The following RAD52 variants were observed in gnomAD, a reference collection of about 807,000 sequenced individuals.
The protein encoded by RAD52 is RAD52 DNA repair protein.
A neutral mutation model predicts 55.5 loss-of-function variants in RAD52; 47 were observed. The ratio of observed to expected loss-of-function variants is 0.85; its 90% confidence interval spans 0.67 to 1.08. RAD52 has a LOEUF of 1.08. RAD52 is among the 50% of genes least tolerant of loss of function. The probability of loss-of-function intolerance (pLI) is 0.00; values close to 1 mark genes in which losing one functional copy is unlikely to be tolerated. For synonymous variants in RAD52, 184 were observed against 198.9 expected (o/e 0.92, Z 0.63); for missense variants, 468 against 522.8 (o/e 0.90, Z 1.02).
Position 949,649 on chromosome 12 carries a change from T to G in RAD52, c.-66A>C, listed in dbSNP as rs917241318. ...CACACAGGGAGCTCGATCTAGGCTA[T>G]GGACAAGGGGAAGAGATCTTAGATG... On this transcript the variant is annotated 5_prime_UTR_variant, in exon 1 of 12. Transcript: ENST00000358495. 17 of 151,986 alleles carry G rather than the reference T, an allele frequency of 1.1e-4. No homozygotes were observed. The highest frequency in any genetic ancestry group is 4.1e-4 in the African/African-American group (17 of 41,372). The allele number at this position is 151,986 out of a possible 1,614,324, so 9.4% of individuals were successfully genotyped here.
chr12:989,360 A>T (rs974591744), intron 1 of RAD52, among the ~76,000 whole-genome samples: 2 of 152,174 alleles, frequency 1.3e-5, no homozygotes, highest in Non-Finnish European at 2.9e-5. Flanking sequence ...TCAAATAAAA[A>T]AAAATTATCT....
At chr12:970,492 C>G (rs930384002) in intron 1 of RAD52, among the ~76,000 whole-genome samples, 1 of 151,944 alleles carries the variant, frequency 6.6e-6, no homozygotes, top group Non-Finnish European at 1.5e-5. Flanking sequence ...TACTAATAAC[C>G]AAAAATAAGG....
chr12:950,598 C>G (rs993079176), upstream of RAD52, among the ~76,000 whole-genome samples: 7 of 147,912 alleles, frequency 4.7e-5, no homozygotes, highest in African/African-American at 1.7e-4. Context: ...GTTTTTGTAG[C>G]GACAGGGTCT....
chr12:976,334 A>G (rs1958935536), intron 1 of RAD52: 1 of 152,184 alleles, frequency 6.6e-6, no homozygotes, highest in Admixed American at 6.6e-5. Flanking sequence ...AAAAAGCCCC[A>G]AACTCTTTGA....
rs990128109 is a variant in RAD52, at chr12:913,327, G to T, written c.*64C>A. Reference sequence around the variant, plus strand: ...CTCCAGCAGCGATGAACAATTTCATGACCAAAAAGTAGTTTTCCAAAGTCC... The same window carrying T: ...CTCCAGCAGCGATGAACAATTTCATTACCAAAAAGTAGTTTTCCAAAGTCC... On this transcript the variant is annotated 3_prime_UTR_variant, in exon 12 of 12. Coordinates refer to ENST00000358495, the MANE Select transcript of RAD52 (RefSeq NM_134424.4). 1.9e-5 allele frequency: 23 copies of T among 1,228,614 alleles called. No homozygotes were observed. Among genetic ancestry groups the T allele is most frequent in the Non-Finnish European group, 2.6e-5 (22 of 850,388 alleles). The allele number at this position is 1,228,614 out of a possible 1,614,324, so 76.1% of individuals were successfully genotyped here.
chr12:948,358 T>C (rs944775796), intron 1 of RAD52, among the ~76,000 whole-genome samples: 1 of 152,224 alleles, frequency 6.6e-6, no homozygotes, highest in African/African-American at 2.4e-5. Flanking sequence ...TAGTGGTGAT[T>C]GCACAACCTT....
chr12:982,057 A>C (rs1305330195), intron 1 of RAD52, among the ~76,000 whole-genome samples: 2 of 152,190 alleles, frequency 1.3e-5, no homozygotes, highest in Admixed American at 6.5e-5. Flanking sequence ...CTGGGCCTGC[A>C]GTTCGAATGG....
chr12:957,380 T>C (rs2154120441), intron 1 of RAD52, among the ~76,000 whole-genome samples: 1 of 149,902 alleles, frequency 6.7e-6, no homozygotes, highest in Non-Finnish European at 1.5e-5. Flanking sequence ...GGAGAATCGC[T>C]TAAGCCCGGG....
intron 1 of RAD52, among the ~76,000 whole-genome samples, chr12:961,319 A>AAAAAAAAAAAAAAAG (rs1375732120): frequency 6.8e-6 from 1 of 147,540 alleles, no homozygotes; most frequent in Non-Finnish European, 1.5e-5. Context: ...CAAAAAAAAA[A>AAAAAAAAAAAAAAAG]AAAAAAAAAA....
At chr12:942,573 C>G (rs1170501770) in intron 1 of RAD52, among the ~76,000 whole-genome samples, 1 of 151,968 alleles carries the variant, frequency 6.6e-6, no homozygotes, top group Non-Finnish European at 1.5e-5. Flanking sequence ...CTGGTGAAAC[C>G]CTGTCTCTAA....
At chr12:927,690 AC>A (rs1294498324) in intron 5 of RAD52, among the ~76,000 whole-genome samples, 1 of 152,000 alleles carries the variant, frequency 6.6e-6, no homozygotes, top group African/African-American at 2.4e-5. Flanking sequence ...ACATGGTGAA[AC>A]CCTATCTCTA....
At chr12:923,048 G>A (rs966358212) in intron 7 of RAD52, among the ~76,000 whole-genome samples, 1 of 151,826 alleles carries the variant, frequency 6.6e-6, no homozygotes, top group Non-Finnish European at 1.5e-5. Flanking sequence ...AGTAGAGACA[G>A]GGTTTCACCA....
At chr12:978,890 G>GTAGGTAGA (rs1555183684) in intron 1 of RAD52, among the ~76,000 whole-genome samples, 26 of 149,522 alleles carry the variant, frequency 1.7e-4, no homozygotes, top group Middle Eastern at 3.4e-3. Flanking sequence ...TAGATGATAG[G>GTAGGTAGA]TAGATAGATA....
At chr12:920,192 G>C (rs1197417687) in intron 7 of RAD52, among the ~76,000 whole-genome samples, 1 of 109,864 alleles carries the variant, frequency 9.1e-6, no homozygotes, top group East Asian at 2.4e-4. Context: ...ACTCTAGCCT[G>C]GGCGGCAGAG....
intron 5 of RAD52, among the ~76,000 whole-genome samples, chr12:928,570 A>G (rs1314301309): frequency 2.0e-5 from 3 of 152,140 alleles, no homozygotes; most frequent in East Asian, 1.9e-4. Flanking sequence ...GGATATATAA[A>G]CTAACTGAAA....
chr12:984,199 A>C (rs1959056678), intron 1 of RAD52, among the ~76,000 whole-genome samples: 1 of 151,872 alleles, frequency 6.6e-6, no homozygotes, highest in Non-Finnish European at 1.5e-5. Flanking sequence ...TGTCTCTATG[A>C]ATTTTTTTCT....
chr12:918,954 C>T (rs1012210516), intron 7 of RAD52, among the ~76,000 whole-genome samples: 1 of 152,110 alleles, frequency 6.6e-6, no homozygotes, highest in Non-Finnish European at 1.5e-5. Context: ...CTGTACAATT[C>T]CACTTACAGT....
At position 916,762 on chromosome 12, in the gene RAD52, T is replaced by G; in HGVS notation, c.602A>C (p.Glu201Ala). The change falls in exon 8 of 12, where the codon GAG becomes GCG. Residue 201 changes from glutamate (E) to alanine (A), a missense_variant. By Grantham distance (107) the Glu-to-Ala change is moderately radical (BLOSUM62 -1). Coordinates refer to ENST00000358495, the MANE Select transcript of RAD52 (RefSeq NM_134424.4). ...AKRQDLEPSV[E>A]EARYNSCRPN... is the part of the protein sequence containing the mutation. Reference sequence around the variant, plus strand: ...TCGGCAGCTGTTGTATCTTGCCTCCTCCACAGACGGTTCAAGATCTTGTCT... The same window carrying G: ...TCGGCAGCTGTTGTATCTTGCCTCCGCCACAGACGGTTCAAGATCTTGTCT... 1 of 1,614,130 alleles carries G rather than the reference T, an allele frequency of 6.2e-7. No individual in the cohort carries two copies. The highest frequency in any genetic ancestry group is 2.2e-5 in the East Asian group (1 of 44,878).
chr12:919,298 T>C (rs1045050657), intron 7 of RAD52, among the ~76,000 whole-genome samples: 2 of 151,900 alleles, frequency 1.3e-5, no homozygotes, highest in African/African-American at 4.8e-5. Context: ...GTATAAAAAT[T>C]AGCCGGGCAT....
Sources: gnomAD v4.1 joint callset for allele counts (sites outside exome capture counted in the v4.1 genomes callset) on GRCh38, gnomAD v4.1.1 for gene constraint, MANE v1.5 for transcripts, NCBI Gene and HGNC (gene_info 2026-07-23, HGNC 2026-07-21) for gene names.